Variants in OPCML observed in about 807,000 individuals in gnomAD.
OPCML encodes the protein opioid-binding protein/cell adhesion molecule.
Under a neutral mutation model 37.8 loss-of-function variants are expected in OPCML, and 13 were observed. The ratio of observed to expected loss-of-function variants is 0.34; its 90% CI spans 0.22 to 0.55. The LOEUF is 0.55. OPCML is among the 20% of genes least tolerant of loss of function. The pLI, the probability that OPCML is intolerant of heterozygous loss-of-function variation, is 0.91. For missense variants in OPCML, 341 were observed against 435.6 expected, an observed-to-expected ratio of 0.78 and a Z score of 1.93; for synonymous variants, 176 against 168.8, an observed-to-expected ratio of 1.04 and a Z score of -0.33.
intron 1 of OPCML, among the ~76,000 whole-genome samples, chr11:133,352,360 T>C (rs942277369): frequency 2.4e-4 from 36 of 152,302 alleles, no homozygotes; most frequent in African/African-American, 6.3e-4. Flanking sequence ...GTACCTGACC[T>C]CTTCTTGGCC....
chr11:133,377,388 C>T (rs1944828792), intron 1 of OPCML, among the ~76,000 whole-genome samples: 1 of 151,962 alleles, frequency 6.6e-6, no homozygotes, highest in African/African-American at 2.4e-5. Flanking sequence ...ATTTTCCAAA[C>T]ATTTTGCCAG....
intron 4 of OPCML, among the ~76,000 whole-genome samples, chr11:132,439,059 G>A (rs1245779225): frequency 6.6e-6 from 1 of 152,144 alleles, no homozygotes; most frequent in African/African-American, 2.4e-5. Flanking sequence ...CAATTCCATG[G>A]AGGAAATAAT....
chr11:133,516,440 C>T (rs907838991), intron 1 of OPCML, among the ~76,000 whole-genome samples: 4 of 152,062 alleles, frequency 2.6e-5, no homozygotes, highest in South Asian at 2.1e-4. Flanking sequence ...CCACCGCCGC[C>T]GGGGCTGGGG....
At chr11:132,576,870 G>A (rs2096452203) in intron 3 of OPCML, among the ~76,000 whole-genome samples, 1 of 152,112 alleles carries the variant, frequency 6.6e-6, no homozygotes, top group Non-Finnish European at 1.5e-5. Flanking sequence ...CCAGGAAAGG[G>A]CGCTATAGTG....
At chr11:133,071,858 C>G (rs528822287) in intron 1 of OPCML, among the ~76,000 whole-genome samples, 1 of 152,178 alleles carries the variant, frequency 6.6e-6, no homozygotes, top group South Asian at 2.1e-4. Flanking sequence ...TTCCTAAAAT[C>G]CTGCAAATCC....
chr11:133,258,110 T>C (rs1183901496), intron 1 of OPCML, among the ~76,000 whole-genome samples: 1 of 152,160 alleles, frequency 6.6e-6, no homozygotes, highest in East Asian at 1.9e-4. Flanking sequence ...TAGTGACATG[T>C]CCTGGACCTT....
At chr11:132,527,267 C>T (rs757789521) in intron 4 of OPCML, among the ~76,000 whole-genome samples, 10 of 152,098 alleles carry the variant, frequency 6.6e-5, no homozygotes, top group Non-Finnish European at 1.5e-4. Flanking sequence ...ATTGCTGGGT[C>T]GTACGCTAAG....
chr11:132,614,069 A>C (rs1177684429), intron 3 of OPCML, among the ~76,000 whole-genome samples: 2 of 152,066 alleles, frequency 1.3e-5, no homozygotes, highest in Non-Finnish European at 2.9e-5. Flanking sequence ...ACCATGCCCA[A>C]GTAGAAAAAG....
intron 4 of OPCML, among the ~76,000 whole-genome samples, chr11:132,517,859 T>C (rs1201280912): frequency 6.6e-6 from 1 of 152,192 alleles, no homozygotes; most frequent in African/African-American, 2.4e-5. Context: ...ATGTAAAGCA[T>C]ATTATTACTA....
At chr11:133,101,111 G>T (rs994240974) in intron 1 of OPCML, among the ~76,000 whole-genome samples, 2 of 152,162 alleles carry the variant, frequency 1.3e-5, no homozygotes, top group African/African-American at 4.8e-5. Flanking sequence ...TTTTAGTAGA[G>T]ACGGGGTTTC....
chr11:132,746,435 C>T lies in OPCML; in HGVS notation c.147-89116G>A, dbSNP rs1793267. On this transcript the variant is annotated intron_variant, in intron 2 of 7. Transcript: ENST00000524381. Reference sequence around the variant, plus strand: ...CTCTGTGAGGAGACACCACTCTCATCGGCGTTTATACCCACTCCTCCCCCC... The same window carrying T: ...CTCTGTGAGGAGACACCACTCTCATTGGCGTTTATACCCACTCCTCCCCCC... Among the ~76,000 whole-genome samples, 912 of 151,964 alleles carry T rather than the reference C, an allele frequency of 6.0e-3. 2 individuals are homozygous for T. Among genetic ancestry groups the T allele is most frequent in the Non-Finnish European group, 0.01 (705 of 67,968 alleles).
chr11:133,508,118 C>T (rs1354102349), intron 1 of OPCML, among the ~76,000 whole-genome samples: 14 of 152,090 alleles, frequency 9.2e-5, no homozygotes, highest in Admixed American at 8.5e-4. Flanking sequence ...GCCTGAGTGT[C>T]GTGGTTGTTT....
chr11:133,193,210 C>T (rs1049854094), intron 1 of OPCML, among the ~76,000 whole-genome samples: 8 of 152,110 alleles, frequency 5.3e-5, no homozygotes, highest in African/African-American at 1.9e-4. Context: ...TCTGTACATT[C>T]CTGGTTACAA....
intron 1 of OPCML, among the ~76,000 whole-genome samples, chr11:133,314,216 C>CAA (rs1943144952): frequency 9.1e-6 from 1 of 109,898 alleles, no homozygotes; most frequent in Non-Finnish European, 1.7e-5. Context: ...GCCTGGGCTA[C>CAA]AGCGAGACTC....
chr11:133,031,782 C>CCT (rs140358185), intron 1 of OPCML, among the ~76,000 whole-genome samples: 15,768 of 152,082 alleles, frequency 0.1, 1,286 homozygotes, highest in East Asian at 0.3. Flanking sequence ...AAATTTTCTC[C>CCT]CTTTCCTCCT....
At chr11:132,789,540 C>T (rs949063694) in intron 2 of OPCML, among the ~76,000 whole-genome samples, 4 of 152,134 alleles carry the variant, frequency 2.6e-5, no homozygotes, top group African/African-American at 9.6e-5. Flanking sequence ...AGCAGGGGGC[C>T]TAGGAAAGGG....
At chr11:133,026,685 G>A (rs1947561283) in intron 1 of OPCML, 2 of 658,036 alleles carry the variant, frequency 3.0e-6, no homozygotes, top group East Asian at 1.4e-4. Context: ...TTACGATAAG[G>A]AACCTGTGTT....
At chr11:133,422,596 A>G (rs1426302894) in intron 1 of OPCML, 1 of 956,632 alleles carries the variant, frequency 1.0e-6, no homozygotes, top group East Asian at 1.2e-4. Context: ...GGCTCAAGCA[A>G]TCCTGCTACC....
chr11:132,708,777 A>G (rs953492787), intron 2 of OPCML, among the ~76,000 whole-genome samples: 14 of 152,222 alleles, frequency 9.2e-5, no homozygotes, highest in African/African-American at 3.1e-4. Context: ...AGATAGCTCT[A>G]AAAATCAGAC....
Sources: allele counts gnomAD v4.1 joint callset (sites outside exome capture counted in the v4.1 genomes callset), GRCh38; gene constraint gnomAD v4.1.1; transcripts MANE v1.5; gene names NCBI Gene and HGNC (gene_info 2026-07-23, HGNC 2026-07-21).